The following TLR1 variants were observed in gnomAD, a reference collection of about 807,000 sequenced individuals.
The protein encoded by TLR1 is toll-like receptor 1.
In TLR1, 19 loss-of-function variants were observed where a neutral mutation model predicts 20.2. The observed-to-expected ratio is 0.94, with a 90% CI of 0.66 to 1.38. TLR1 has a LOEUF of 1.38. TLR1 is among the 40% of genes most tolerant of loss of function. The pLI, the probability that TLR1 is intolerant of heterozygous loss-of-function variation, is 0.00. For missense variants in TLR1, 921 were observed against 910.0 expected, an observed-to-expected ratio of 1.01 and a Z score of -0.16; for synonymous variants, 320 against 334.5, an observed-to-expected ratio of 0.96 and a Z score of 0.47.
intron 2 of TLR1, among the ~76,000 whole-genome samples, chr4:38,804,012 A>G (rs555935134): frequency 9.2e-5 from 14 of 152,204 alleles, no homozygotes; most frequent in Non-Finnish European, 2.1e-4. Context: ...TCCTGTAAAT[A>G]TTTACTAAGG....
At chr4:38,796,040 T>C (rs1726025165), downstream of TLR1, among the ~76,000 whole-genome samples, 1 of 152,144 alleles carries the variant, frequency 6.6e-6, no homozygotes, top group Non-Finnish European at 1.5e-5. Flanking sequence ...CGAGCAGCCA[T>C]CAATAAGTTG....
rs1356247523 is a variant in TLR1 at position 38,797,561 on chromosome 4, C to T, written c.1271G>A (p.Ser424Asn). ...TGAAGACATATTTAAACTTAATAAACTTTTAGTCCAAGAACAGTCTCCTTT... is the reference window on the plus strand; with the variant it reads ...TGAAGACATATTTAAACTTAATAAATTTTTAGTCCAAGAACAGTCTCCTTT... ...EKKGDCSWTK[S>N]LLSLNMSSNI... Residue 424 changes from serine to asparagine, a missense_variant, in exon 4 of 4, where the codon AGT (serine) becomes AAT (asparagine). Physicochemically the swap from Ser to Asn is conservative, Grantham distance 46. Transcript: ENST00000308979. 3.1e-6 allele frequency: 5 copies of T among 1,613,336 alleles called. No individual in the cohort carries two copies. Among genetic ancestry groups the T allele is most frequent in the Admixed American group, 3.3e-5 (2 of 59,876 alleles).
chr4:38,797,153 T>C lies in TLR1; in HGVS notation c.1679A>G (p.Glu560Gly), dbSNP rs759151280. Residue 560 changes from glutamate to glycine, a missense_variant, in exon 4 of 4, where the codon GAA (glutamate) becomes GGA (glycine). Physicochemically the swap from Glu to Gly is moderately conservative, Grantham distance 98. Transcript: ENST00000308979. ...WPDSYKCDYP[E>G]SYRGTLLKDF... is the part of the protein sequence containing the mutation. Reference sequence around the variant, plus strand: ...CTTTAGTAGGGTTCCTCTATAACTTTCCGGGTAGTCACACTTATAAGAATC... The same window carrying C: ...CTTTAGTAGGGTTCCTCTATAACTTCCCGGGTAGTCACACTTATAAGAATC... 4.3e-6 allele frequency: 7 copies of C among 1,614,256 alleles called. No individual in the cohort carries two copies. Among genetic ancestry groups the C allele is most frequent in the Non-Finnish European group, 5.9e-6 (7 of 1,180,048 alleles).
Position 38,797,820 on chromosome 4 carries a change from T to G in TLR1, c.1012A>C (p.Met338Leu). ...TTGGATGGGCAAAGCATGTGGACCA[T>G]GCGTGTACCAGACACTGTGAAATTT... is the stretch of plus-strand genomic sequence containing the variant. The part of the protein sequence containing the change: ...IKNFTVSGTR[M>L]VHMLCPSKIS... The change falls in exon 4 of 4, where the codon ATG becomes CTG. Residue 338 changes from methionine (M) to leucine (L), a missense_variant. By Grantham distance (15) the Met-to-Leu change is conservative (BLOSUM62 2). Transcript: ENST00000308979. 1 of 1,614,166 alleles carries G rather than the reference T, an allele frequency of 6.2e-7. No individual in the cohort carries two copies. Among genetic ancestry groups the G allele is most frequent in the Non-Finnish European group, 8.5e-7 (1 of 1,179,988 alleles).
Position 38,798,654 on chromosome 4 carries a change from G to C in TLR1, c.178C>G (p.Leu60Val). ...AGTGATAAGATGTCAGAAGTCCAAAGCTCAGATATATAATTTTGCGATATA... is the reference window on the plus strand; with the variant it reads ...AGTGATAAGATGTCAGAAGTCCAAACCTCAGATATATAATTTTGCGATATA... ...LNISQNYISE[L>V]WTSDILSLSK... The change falls in exon 4 of 4, where the codon CTT becomes GTT. Residue 60 changes from leucine to valine, a missense_variant. Physicochemically the swap from Leu to Val is conservative, Grantham distance 32. Transcript: ENST00000308979. 5 of 1,613,936 alleles carry C rather than the reference G, an allele frequency of 3.1e-6. No individual in the cohort carries two copies. Among genetic ancestry groups the C allele is most frequent in the Non-Finnish European group, 4.2e-6 (5 of 1,179,916 alleles).
At chr4:38,805,050 G>A (rs929548685), upstream of TLR1, 2 of 152,232 alleles carry the variant, frequency 1.3e-5, no homozygotes, top group African/African-American at 4.8e-5. Context: ...CTACACTGAT[G>A]AAGTAAATGA....
At chr4:38,803,200 C>T (rs571715471) in intron 2 of TLR1, among the ~76,000 whole-genome samples, 14 of 152,320 alleles carry the variant, frequency 9.2e-5, no homozygotes, top group African/African-American at 3.4e-4. Flanking sequence ...TCACCTTTCA[C>T]CTGCCTACGG....
At chr4:38,790,524 T>C (rs912672829), downstream of TLR1, among the ~76,000 whole-genome samples, 3 of 152,180 alleles carry the variant, frequency 2.0e-5, no homozygotes, top group Non-Finnish European at 4.4e-5. Flanking sequence ...ACTATTGTTG[T>C]TCCTGATGGT....
Position 38,803,018 on chromosome 4 carries a change from G to A in TLR1, c.-160+1288C>T, listed in dbSNP as rs116220256. ...ACTGAGGGGAGCCAGGACACAGCTC[G>A]GCTTGCTTGTACCCAGAGAGAGAAA... On this transcript the variant is annotated intron_variant, in intron 2 of 3. Transcript: ENST00000308979. 8.1e-3 allele frequency among the ~76,000 whole-genome samples: 1,228 copies of A among 152,168 alleles called. 18 individuals are homozygous for A. The highest frequency in any genetic ancestry group is 0.028 in the African/African-American group (1,160 of 41,508).
intron 2 of TLR1, among the ~76,000 whole-genome samples, chr4:38,801,599 C>G (rs1726649372): frequency 6.6e-6 from 1 of 152,196 alleles, no homozygotes; most frequent in Non-Finnish European, 1.5e-5. Context: ...CACCTCCTAG[C>G]CAACTCCAGA....
chr4:38,797,302 G>A lies in TLR1; in HGVS notation c.1530C>T (p.Phe510=). 1.2e-6 allele frequency: 2 copies of A among 1,614,154 alleles called. No individual in the cohort carries two copies. Among genetic ancestry groups the A allele is most frequent in the Non-Finnish European group, 1.7e-6 (2 of 1,180,024 alleles). Residue 510 remains phenylalanine (F), a synonymous_variant, in exon 4 of 4, where the codon TTC becomes TTT. Transcript: ENST00000308979. ...TTGACCTCATCTTCTGGCAGCTCTG[G>A]AAGAAATCAGCCGATGGGTGGGAAA... ...NSVSHPSADF[F]QSCQKMRSIK... is the part of the protein sequence containing the mutation.
In TLR1 at chr4:38,797,167, C is replaced by T. The variant is rs764829877; in HGVS notation, c.1665G>A (p.Lys555=). Residue 555 remains lysine (K), a synonymous_variant, in exon 4 of 4, where the codon AAG becomes AAA. Coordinates refer to ENST00000308979, the MANE Select transcript of TLR1 (RefSeq NM_003263.4). ...EVLEGWPDSY[K]CDYPESYRGT... The stretch of plus-strand genomic sequence containing the variant: ...CTCTATAACTTTCCGGGTAGTCACA[C>T]TTATAAGAATCAGGCCAGCCCTCTA... 1.6e-4 allele frequency: 264 copies of T among 1,614,120 alleles called. No homozygotes were observed. Among genetic ancestry groups the T allele is most frequent in the Non-Finnish European group, 2.2e-4 (258 of 1,180,052 alleles).
At position 38,798,405 on chromosome 4, in the gene TLR1, AT is replaced by A. The variant is rs1305295336; in HGVS notation, c.426del (p.Lys142AsnfsTer5). 1 of 1,613,576 alleles carries A rather than the reference AT, an allele frequency of 6.2e-7. No individual in the cohort carries two copies. On this transcript the variant is annotated frameshift_variant, in exon 4 of 4. Coordinates refer to ENST00000308979, the MANE Select transcript of TLR1 (RefSeq NM_003263.4). LOFTEE classifies it low-confidence loss of function (END_TRUNC). ...AAGTGTGTGGTGCTCAACCCCAGAA[AT>A]TTTAGTTGAGACATATTGCCAAACT... ...CKEFGNMSQL[K>X]FLGLSTTHLE... is the part of the protein sequence containing the mutation.
At chr4:38,802,860 G>C (rs1726766202) in intron 2 of TLR1, among the ~76,000 whole-genome samples, 2 of 152,156 alleles carry the variant, frequency 1.3e-5, no homozygotes, top group Non-Finnish European at 2.9e-5. Flanking sequence ...ATAACATAGG[G>C]AAGGTTCATC....
At chr4:38,793,906 A>G (rs979811390), downstream of TLR1, among the ~76,000 whole-genome samples, 1 of 151,976 alleles carries the variant, frequency 6.6e-6, no homozygotes, top group African/African-American at 2.4e-5. Flanking sequence ...AGAATTTTGG[A>G]CACAGAGACA....
rs140255888 is a variant in TLR1, at chr4:38,798,741, T to C, written c.91A>G (p.Arg31Gly). 642 of 1,612,974 alleles carry C rather than the reference T, an allele frequency of 4.0e-4. 7 individuals carry two copies. In the East Asian group the frequency reaches 0.01, roughly 25 times the overall value. Reference sequence around the variant, plus strand: ...ACGTGGATGAGACCGTTTTTTGACCTATCAACTAAAAATTCACTTTCTTCA... The same window carrying C: ...ACGTGGATGAGACCGTTTTTTGACCCATCAACTAAAAATTCACTTTCTTCA... ...LSEESEFLVD[R>G]SKNGLIHVPK... Residue 31 changes from arginine to glycine, a missense_variant, in exon 4 of 4, where the codon AGG becomes GGG. Arg to Gly is a moderately radical substitution (Grantham distance 125). Transcript: ENST00000308979.
chr4:38,796,651 G>A lies in TLR1; in HGVS notation c.2181C>T (p.Ile727=), dbSNP rs751709241. 6.2e-7 allele frequency: 1 copy of A among 1,614,176 alleles called. No homozygotes were observed. The highest frequency in any genetic ancestry group is 8.5e-7 in the Non-Finnish European group (1 of 1,180,034). The part of the protein sequence containing the change: ...NLFHEGSNSL[I]LILLEPIPQY... ...GCGGAATGGGTTCCAGCAAGATCAG[G>A]ATTAAGCTATTAGATCCTTCATGAA... Residue 727 remains isoleucine, a synonymous_variant, in exon 4 of 4, where the codon ATC becomes ATT. Coordinates refer to ENST00000308979, the MANE Select transcript of TLR1 (RefSeq NM_003263.4).
chr4:38,803,124 A>G (rs569398136), intron 2 of TLR1, among the ~76,000 whole-genome samples: 42 of 152,358 alleles, frequency 2.8e-4, no homozygotes, highest in African/African-American at 9.9e-4. Flanking sequence ...AGCAGCCAGG[A>G]CAAGGCGGAC....
At position 38,797,461 on chromosome 4, in the gene TLR1, T is replaced by C. The variant is rs1726190299; in HGVS notation, c.1371A>G (p.Ile457Met). 1.9e-6 allele frequency: 3 copies of C among 1,614,266 alleles called. No homozygotes were observed. In the South Asian group the frequency reaches 3.3e-5, roughly 18 times the overall value. Residue 457 changes from isoleucine to methionine, a missense_variant, in exon 4 of 4, where the codon ATA (isoleucine) becomes ATG (methionine). Physicochemically the swap from Ile to Met is conservative, Grantham distance 10. Transcript: ENST00000308979. ...IKVLDLHSNK[I>M]KSIPKQVVKL... Reference sequence around the variant, plus strand: ...TTACGACTTGTTTAGGAATGCTCTTTATTTTATTGCTGTGAAGATCAAGTA... The same window carrying C: ...TTACGACTTGTTTAGGAATGCTCTTCATTTTATTGCTGTGAAGATCAAGTA...
Sources: gnomAD v4.1 joint callset for allele counts (sites outside exome capture counted in the v4.1 genomes callset) on GRCh38, gnomAD v4.1.1 for gene constraint, MANE v1.5 for transcripts, NCBI Gene and HGNC (gene_info 2026-07-23, HGNC 2026-07-21) for gene names.